Variants in GLP2R observed in about 807,000 individuals in gnomAD.
The protein encoded by GLP2R is glucagon like peptide 2 receptor.
A neutral mutation model predicts 68.2 loss-of-function variants in GLP2R; 59 were observed. The ratio of observed to expected loss-of-function variants is 0.87; its 90% CI spans 0.70 to 1.07. The LOEUF is 1.07. Ranked by LOEUF, GLP2R falls within the 50% of genes least tolerant of loss-of-function variation. The pLI is 0.00. For synonymous variants in GLP2R, 270 were observed against 265.4 expected (o/e 1.02, Z -0.17); for missense variants, 548 against 677.4 (o/e 0.81, Z 2.12).
chr17:9,865,023 A>G (rs1019546392), intron 9 of GLP2R, among the ~76,000 whole-genome samples: 32 of 152,132 alleles, frequency 2.1e-4, no homozygotes, highest in African/African-American at 7.7e-4. Context: ...GACTCCAGTC[A>G]TGGTCAGCTC....
At chr17:9,880,730 A>G (rs62066057) in intron 11 of GLP2R, among the ~76,000 whole-genome samples, 31,332 of 152,160 alleles carry the variant, frequency 0.21, 4,261 homozygotes, top group Non-Finnish European at 0.31. Context: ...GAAGGGGGAA[A>G]TGGTCTCTTT....
At chr17:9,833,739 G>A (rs757037659) in intron 1 of GLP2R, 68 bp from the exon 2 acceptor site, 1 of 901,800 alleles carries the variant, frequency 1.1e-6, no homozygotes, top group Non-Finnish European at 1.8e-6. Flanking sequence ...GAGAATCATG[G>A]TGTGAAGTGA....
At chr17:9,851,838 A>C (rs1015457701) in intron 4 of GLP2R, among the ~76,000 whole-genome samples, 1 of 152,312 alleles carries the variant, frequency 6.6e-6, no homozygotes, top group Non-Finnish European at 1.5e-5. Context: ...ATCACACAAA[A>C]TATATTAGAA....
rs985608562 is a variant in GLP2R, at chr17:9,826,329, T to C, written c.189+77T>C. The stretch of plus-strand genomic sequence containing the variant: ...TTTTAAAGAAGCAATTTAGGCCTCA[T>C]GTAAGCAATTTGGAAAAGAGAAAAC... On this transcript the variant is annotated intron_variant, in intron 1 of 12. Coordinates refer to ENST00000262441, the MANE Select transcript of GLP2R (RefSeq NM_004246.3). 1.2e-5 allele frequency: 11 copies of C among 933,768 alleles called. No individual in the cohort carries two copies. The East Asian group carries it at 2.3e-4, about 20-fold the overall frequency. 57.8% of individuals were successfully genotyped at this position (933,768 alleles called of 1,614,324 possible).
intron 4 of GLP2R, among the ~76,000 whole-genome samples, chr17:9,853,781 C>A (rs537977755): frequency 6.6e-6 from 1 of 152,178 alleles, no homozygotes; most frequent in South Asian, 2.1e-4. Flanking sequence ...TGAATTCTAC[C>A]AAATATATAA....
At chr17:9,870,362 A>G (rs1042612419) in intron 9 of GLP2R, among the ~76,000 whole-genome samples, 1 of 152,214 alleles carries the variant, frequency 6.6e-6, no homozygotes, top group Non-Finnish European at 1.5e-5. Flanking sequence ...ATAAGTACTC[A>G]ATACGTGGTA....
At chr17:9,860,192 T>G (rs1257685888) in intron 7 of GLP2R, 91 bp downstream of exon 7, 5 of 1,239,520 alleles carry the variant, frequency 4.0e-6, no homozygotes, top group Non-Finnish European at 3.3e-6. Context: ...GAAACCTAAC[T>G]GGAGGTTGCT....
At chr17:9,869,560 G>T (rs886511948) in intron 9 of GLP2R, among the ~76,000 whole-genome samples, 2 of 152,248 alleles carry the variant, frequency 1.3e-5, no homozygotes, top group African/African-American at 4.8e-5. Flanking sequence ...CCATCTGAAG[G>T]CTTGGCTGGG....
At chr17:9,852,537 G>GA (rs1232084469) in intron 4 of GLP2R, among the ~76,000 whole-genome samples, 1 of 151,664 alleles carries the variant, frequency 6.6e-6, no homozygotes, top group Non-Finnish European at 1.5e-5. Context: ...AAGAAACTAG[G>GA]AAAAAAACCT....
intron 1 of GLP2R, among the ~76,000 whole-genome samples, chr17:9,831,449 G>A (rs994714502): frequency 3.3e-5 from 5 of 152,166 alleles, no homozygotes; most frequent in East Asian, 1.9e-4. Context: ...ACATTGCAGT[G>A]TGATGGGCCA....
At chr17:9,876,866 T>C (rs2067146101) in intron 10 of GLP2R, among the ~76,000 whole-genome samples, 1 of 152,226 alleles carries the variant, frequency 6.6e-6, no homozygotes, top group African/African-American at 2.4e-5. Flanking sequence ...TCTTTAAAAA[T>C]AGTAATAACT....
Position 9,889,673 on chromosome 17 carries a change from A to G in GLP2R, c.1630A>G (p.Met544Val), listed in dbSNP as rs116653719. Residue 544 changes from methionine to valine, a missense_variant, in exon 13 of 13, where the codon ATG becomes GTG. Physicochemically the swap from Met to Val is conservative, Grantham distance 21. Coordinates refer to ENST00000262441, the MANE Select transcript of GLP2R (RefSeq NM_004246.3). The stretch of plus-strand genomic sequence containing the variant: ...GGGGGATGTCACCATGGCCAACACC[A>G]TGGAGGAGATTCTGGAAGAGAGTGA... ...SEGDVTMANT[M>V]EEILEESEI 1.9e-6 allele frequency: 3 copies of G among 1,592,744 alleles called. No individual in the cohort carries two copies. The highest frequency in any genetic ancestry group is 2.7e-5 in the African/African-American group (2 of 74,492).
At chr17:9,845,916 G>A (rs1022384124) in intron 4 of GLP2R, among the ~76,000 whole-genome samples, 9 of 152,040 alleles carry the variant, frequency 5.9e-5, no homozygotes, top group Admixed American at 5.9e-4. Context: ...ATTAATTTTT[G>A]TTGACACAAA....
intron 4 of GLP2R, chr17:9,852,935 C>A (rs181146559): frequency 6.7e-5 from 33 of 493,758 alleles, no homozygotes; most frequent in African/African-American, 5.3e-4. Flanking sequence ...TTCTTCTCCT[C>A]TTCATCTTCT....
intron 11 of GLP2R, among the ~76,000 whole-genome samples, chr17:9,880,869 C>T (rs1321603677): frequency 6.6e-6 from 1 of 152,100 alleles, no homozygotes; most frequent in African/African-American, 2.4e-5. Flanking sequence ...ATTGTCTGTG[C>T]TTCAGGTGAC....
chr17:9,853,175 C>T (rs1253374646), intron 4 of GLP2R: 8 of 419,020 alleles, frequency 1.9e-5, no homozygotes, highest in Non-Finnish European at 3.1e-5. Flanking sequence ...ACTGACAATT[C>T]TTAAAGATAA....
At chr17:9,878,577 C>T (rs1035492546) in intron 10 of GLP2R, among the ~76,000 whole-genome samples, 4 of 152,174 alleles carry the variant, frequency 2.6e-5, no homozygotes, top group Non-Finnish European at 4.4e-5. Flanking sequence ...CAGCCAAGGC[C>T]CATGATTCCA....
intron 10 of GLP2R, among the ~76,000 whole-genome samples, chr17:9,871,219 T>C (rs1179675769): frequency 1.3e-5 from 2 of 151,976 alleles, no homozygotes; most frequent in Admixed American, 6.5e-5. Flanking sequence ...AATACAAAAG[T>C]TAGCCAGGCG....
At chr17:9,835,218 G>A (rs372001213) in intron 2 of GLP2R, among the ~76,000 whole-genome samples, 2 of 151,978 alleles carry the variant, frequency 1.3e-5, no homozygotes, top group South Asian at 2.1e-4. Flanking sequence ...TAGCAGAGAC[G>A]GGGTTTCACC....
Sources: allele counts gnomAD v4.1 joint callset (sites outside exome capture counted in the v4.1 genomes callset), GRCh38; gene constraint gnomAD v4.1.1; transcripts MANE v1.5; gene names NCBI Gene and HGNC (gene_info 2026-07-23, HGNC 2026-07-21).